KCTD5: variants seen among roughly 807,000 people sequenced by gnomAD.
The protein encoded by KCTD5 is BTB/POZ domain-containing protein KCTD5.
In KCTD5, 12 loss-of-function variants were observed where a neutral mutation model predicts 27.9. That is an observed-to-expected ratio of 0.43 (90% CI 0.28 to 0.70). The LOEUF is 0.70. KCTD5 is among the 30% of genes least tolerant of loss of function. KCTD5 has a pLI of 0.19. For missense variants in KCTD5, 226 were observed against 274.8 expected, an observed-to-expected ratio of 0.82 and a Z score of 1.26; for synonymous variants, 147 against 121.4, an observed-to-expected ratio of 1.21 and a Z score of -1.39.
intron 1 of KCTD5, among the ~76,000 whole-genome samples, chr16:2,688,224 A>ATATAT (rs1567193086): frequency 1.3e-5 from 1 of 79,646 alleles, no homozygotes; most frequent in African/African-American, 4.8e-5. Context: ...TAAATAAATA[A>ATATAT]ATAAATATAT....
chr16:2,685,021 C>CTTGCTCTT (rs960092806), intron 1 of KCTD5, among the ~76,000 whole-genome samples: 105 of 152,230 alleles, frequency 6.9e-4, no homozygotes, highest in African/African-American at 2.5e-3. Flanking sequence ...CTGTGTTATA[C>CTTGCTCTT]TTGCTCTTTT....
intron 5 of KCTD5, among the ~76,000 whole-genome samples, chr16:2,703,187 C>T (rs535769489): frequency 1.6e-4 from 24 of 152,222 alleles, no homozygotes; most frequent in Non-Finnish European, 3.1e-4. Context: ...ATTCTGGTGG[C>T]ATTTCCTCTA....
At chr16:2,688,323 T>G (rs950232798) in intron 1 of KCTD5, among the ~76,000 whole-genome samples, 3 of 151,408 alleles carry the variant, frequency 2.0e-5, no homozygotes, top group African/African-American at 7.3e-5. Context: ...TGATCTCGGC[T>G]CACTGCAACC....
intron 1 of KCTD5, among the ~76,000 whole-genome samples, chr16:2,688,353 C>A (rs1052139864): frequency 2.0e-5 from 3 of 151,544 alleles, no homozygotes; most frequent in South Asian, 2.1e-4. Flanking sequence ...TGGGTTCAAG[C>A]ATTTCTCCTG....
intron 1 of KCTD5, among the ~76,000 whole-genome samples, chr16:2,686,762 A>G (rs1171626891): frequency 1.4e-5 from 2 of 138,370 alleles, no homozygotes; most frequent in African/African-American, 5.5e-5. Context: ...GGGTGTTGGC[A>G]AGACCTCGGG....
intron 1 of KCTD5, among the ~76,000 whole-genome samples, chr16:2,690,888 T>C (rs962106667): frequency 6.6e-6 from 1 of 152,244 alleles, no homozygotes; most frequent in African/African-American, 2.4e-5. Flanking sequence ...GTGTTTCCCA[T>C]TTTCCCATGT....
At chr16:2,699,789 C>T (rs1418136381) in intron 3 of KCTD5, 32 bp from the exon 4 acceptor site, 2 of 1,603,374 alleles carry the variant, frequency 1.2e-6, no homozygotes, top group African/African-American at 1.3e-5. Flanking sequence ...ACATGGGTGG[C>T]CCGCCCTTAC....
At chr16:2,693,037 G>A (rs1361925654) in intron 1 of KCTD5, among the ~76,000 whole-genome samples, 1 of 152,244 alleles carries the variant, frequency 6.6e-6, no homozygotes, top group African/African-American at 2.4e-5. Flanking sequence ...GCAGCCCCAC[G>A]CAGATCCTCC....
At chr16:2,701,475 C>T (rs923266957) in intron 4 of KCTD5, among the ~76,000 whole-genome samples, 6 of 152,172 alleles carry the variant, frequency 3.9e-5, no homozygotes, top group Admixed American at 1.3e-4. Context: ...GGGGCATGGC[C>T]GTGAGTGCTC....
In KCTD5 at chr16:2,692,967, G is replaced by A. The variant is rs146343345; in HGVS notation, c.253-2968G>A. ...TGTGGGCCTGCCTGCTCCGTGGAGC[G>A]GGAAGCCCGGGTCTGCAGCCATAGT... On this transcript the variant is annotated intron_variant, in intron 1 of 5. Transcript: ENST00000301738. Among the ~76,000 whole-genome samples the A allele has an allele frequency of 4.5e-3, 684 of 152,284 alleles. 5 individuals are homozygous for A. Among genetic ancestry groups the A allele is most frequent in the African/African-American group, 0.016 (648 of 41,582 alleles).
Position 2,707,427 on chromosome 16 carries a change from T to G in KCTD5, c.*100T>G. The G allele has an allele frequency of 8.1e-7, 1 of 1,238,894 alleles. No homozygotes were observed. Among genetic ancestry groups the G allele is most frequent in the African/African-American group, 1.5e-5 (1 of 67,578 alleles). 76.7% of individuals were successfully genotyped at this position (1,238,894 alleles called of 1,614,324 possible). On this transcript the variant is annotated 3_prime_UTR_variant, in exon 6 of 6. Transcript: ENST00000301738. The stretch of plus-strand genomic sequence containing the variant: ...TTGGCTGTGAGAAGAAACCTGCTTT[T>G]GATCATTTTTCTAGAGATCTGGGTG...
Position 2,707,802 on chromosome 16 carries a change from A to C in KCTD5, c.*475A>C. 2 of 265,202 alleles carry C rather than the reference A, an allele frequency of 7.5e-6. No homozygotes were observed. The highest frequency in any genetic ancestry group is 1.4e-5 in the Non-Finnish European group (2 of 140,298). The allele number at this position is 265,202 out of a possible 1,614,324, so 16.4% of individuals were successfully genotyped here. ...GGTCAGGGAGTCTGCTCTGCCTCCC[A>C]GGCGGGATCGCTGGTTTCTCTCGAC... On this transcript the variant is annotated 3_prime_UTR_variant, in exon 6 of 6. Transcript: ENST00000301738.
At chr16:2,684,811 G>A (rs1156967219) in intron 1 of KCTD5, 1 of 151,938 alleles carries the variant, frequency 6.6e-6, no homozygotes, top group Non-Finnish European at 1.5e-5. Context: ...GGTGGCGCGT[G>A]CCTGTAGTCC....
chr16:2,701,234 A>C (rs925968461), intron 4 of KCTD5, among the ~76,000 whole-genome samples: 1 of 152,192 alleles, frequency 6.6e-6, no homozygotes, highest in African/African-American at 2.4e-5. Flanking sequence ...ATTGCAAAGA[A>C]CGGGTGTCCT....
intron 5 of KCTD5, among the ~76,000 whole-genome samples, chr16:2,706,445 C>T (rs536813157): frequency 1.0e-3 from 154 of 152,284 alleles, no homozygotes; most frequent in South Asian, 1.9e-3. Context: ...TGGCTGGCTC[C>T]GAAGCTCTCT....
At chr16:2,702,749 C>A (rs779830344) in intron 5 of KCTD5, among the ~76,000 whole-genome samples, 2 of 152,208 alleles carry the variant, frequency 1.3e-5, no homozygotes, top group Non-Finnish European at 2.9e-5. Context: ...AGGAATGCCA[C>A]TGAGGGCTGT....
intron 5 of KCTD5, among the ~76,000 whole-genome samples, 178 bp from the exon 6 acceptor site, chr16:2,707,120 C>T (rs1273767234): frequency 1.3e-5 from 2 of 152,048 alleles, no homozygotes; most frequent in African/African-American, 2.4e-5. Context: ...GTGCCAGACA[C>T]CCCGGTGAAG....
intron 2 of KCTD5, among the ~76,000 whole-genome samples, chr16:2,697,432 CAT>C (rs2142056340): frequency 6.6e-6 from 1 of 152,348 alleles, no homozygotes; most frequent in African/African-American, 2.4e-5. Context: ...GTGACTGAGA[CAT>C]ATGCACAAGG....
chr16:2,699,920 A>T lies in KCTD5; in HGVS notation c.549+4A>T. The T allele has an allele frequency of 2.5e-6, 4 of 1,613,460 alleles. No homozygotes were observed. Among genetic ancestry groups the T allele is most frequent in the Non-Finnish European group, 3.4e-6 (4 of 1,179,742 alleles). ...CGACGGCTGGAAGTTCGAGCAGGTG[A>T]GGGGCCCTGGCCAGCCTGGTGGCAG... On this transcript the variant is annotated splice_donor_region_variant and intron_variant, in intron 4 of 5. Transcript: ENST00000301738.
Sources: allele counts gnomAD v4.1 joint callset (sites outside exome capture counted in the v4.1 genomes callset), GRCh38; gene constraint gnomAD v4.1.1; transcripts MANE v1.5; gene names NCBI Gene and HGNC (gene_info 2026-07-23, HGNC 2026-07-21).